NALF1: variants seen among roughly 807,000 people sequenced by gnomAD.
NALF1 encodes the protein family with sequence similarity 155 member A.
Under a neutral mutation model 48.4 loss-of-function variants are expected in NALF1, and 3 were observed. That is an observed-to-expected ratio of 0.06 (90% CI 0.03 to 0.16). The LOEUF is 0.16. Among genes scored for constraint, NALF1 ranks in the 10% least tolerant of loss-of-function variants. The pLI, the probability that NALF1 is intolerant of heterozygous loss-of-function variation, is 1.00. For synonymous variants in NALF1, 262 were observed against 245.7 expected (o/e 1.07, Z -0.62); for missense variants, 526 against 571.5 (o/e 0.92, Z 0.81).
chr13:107,516,244 G>A (rs1415212021), intron 1 of NALF1, among the ~76,000 whole-genome samples: 1 of 152,162 alleles, frequency 6.6e-6, no homozygotes, highest in Middle Eastern at 3.2e-3. Context: ...GTCAGGGTCT[G>A]AGAACGCAGA....
intron 1 of NALF1, among the ~76,000 whole-genome samples, chr13:107,382,846 C>T (rs1442866135): frequency 6.6e-6 from 1 of 152,214 alleles, no homozygotes; most frequent in Non-Finnish European, 1.5e-5. Flanking sequence ...TGATCCATCA[C>T]CTTTTGGCTA....
chr13:107,386,811 C>A (rs1883538646), intron 1 of NALF1, among the ~76,000 whole-genome samples: 1 of 152,040 alleles, frequency 6.6e-6, no homozygotes, highest in African/African-American at 2.4e-5. Context: ...ATGCCGAGAG[C>A]TTAGAGGCCA....
chr13:107,301,767 A>G (rs561897533), intron 1 of NALF1, among the ~76,000 whole-genome samples: 9 of 152,178 alleles, frequency 5.9e-5, no homozygotes, highest in Non-Finnish European at 8.8e-5. Context: ...TTATTCTCAC[A>G]TATTTTGGAA....
At chr13:107,449,234 ACT>A (rs1164427019) in intron 1 of NALF1, among the ~76,000 whole-genome samples, 2 of 151,580 alleles carry the variant, frequency 1.3e-5, no homozygotes, top group East Asian at 1.9e-4. Context: ...ACAGGGTGAG[ACT>A]CTGTCTCAAA....
chr13:107,794,279 A>G (rs1004321307), intron 1 of NALF1, among the ~76,000 whole-genome samples: 1 of 152,078 alleles, frequency 6.6e-6, no homozygotes, highest in Non-Finnish European at 1.5e-5. Context: ...CTCTAACTTG[A>G]CTTTTCCTTT....
At position 107,649,288 on chromosome 13, in the gene NALF1, G is replaced by A. The variant is rs139119342; in HGVS notation, c.915+216394C>T. 2.4e-3 allele frequency among the ~76,000 whole-genome samples: 371 copies of A among 152,274 alleles called. 3 individuals are homozygous for A. Among genetic ancestry groups the A allele is most frequent in the Middle Eastern group, 0.014 (4 of 294 alleles). ...GCAGATATGCAGATTCTCATACACA[G>A]ATTTTTACATCTTGAGTCATACCTC... On this transcript the variant is annotated intron_variant, in intron 1 of 2. Transcript: ENST00000375915.
chr13:107,227,757 G>A (rs1880134958), intron 1 of NALF1, among the ~76,000 whole-genome samples: 1 of 152,186 alleles, frequency 6.6e-6, no homozygotes, highest in Admixed American at 6.5e-5. Context: ...TTTATTATTT[G>A]TGATGTGCTG....
chr13:107,586,393 G>C (rs1878458095), intron 1 of NALF1, among the ~76,000 whole-genome samples: 1 of 152,090 alleles, frequency 6.6e-6, no homozygotes. Flanking sequence ...TGAGTCTACA[G>C]TTTGCATGTG....
chr13:107,573,984 A>C (rs557623191), intron 1 of NALF1, among the ~76,000 whole-genome samples: 8 of 152,176 alleles, frequency 5.3e-5, no homozygotes, highest in Non-Finnish European at 1.2e-4. Flanking sequence ...ACATTCCCCC[A>C]TCGCTCTTTC....
chr13:107,629,047 G>A (rs367695782), intron 1 of NALF1, among the ~76,000 whole-genome samples: 5 of 152,012 alleles, frequency 3.3e-5, no homozygotes, highest in South Asian at 2.1e-4. Context: ...TCTTATCCAC[G>A]TCTTGTACTC....
At chr13:107,614,496 A>T (rs1452266686) in intron 1 of NALF1, among the ~76,000 whole-genome samples, 1 of 152,232 alleles carries the variant, frequency 6.6e-6, no homozygotes, top group Non-Finnish European at 1.5e-5. Context: ...TAAAATGAGA[A>T]TAATAATGGA....
intron 1 of NALF1, among the ~76,000 whole-genome samples, chr13:107,766,304 TAGC>T (rs1289158301): frequency 6.6e-6 from 1 of 152,180 alleles, no homozygotes; most frequent in Non-Finnish European, 1.5e-5. Context: ...AACAGGGACT[TAGC>T]AGCTGCGTGA....
At chr13:107,441,228 T>C (rs966202725) in intron 1 of NALF1, among the ~76,000 whole-genome samples, 3 of 152,222 alleles carry the variant, frequency 2.0e-5, no homozygotes, top group African/African-American at 4.8e-5. Flanking sequence ...TATATTTCAC[T>C]GTTGGTCCAA....
At chr13:107,299,462 TAATAATAATA>T (rs751228999) in intron 1 of NALF1, among the ~76,000 whole-genome samples, 5,625 of 57,576 alleles carry the variant, frequency 0.098, 131 homozygotes, top group Middle Eastern at 0.17. Flanking sequence ...ATAATAATAA[TAATAATAATA>T]AATAAATAAA....
At chr13:107,824,730 C>A (rs74112654) in intron 1 of NALF1, among the ~76,000 whole-genome samples, 36 of 152,322 alleles carry the variant, frequency 2.4e-4, no homozygotes, top group African/African-American at 8.4e-4. Flanking sequence ...GGTAAAGAAG[C>A]CAGAACTGCA....
chr13:107,726,159 A>T lies in NALF1; in HGVS notation c.915+139523T>A, dbSNP rs185310119. Among the ~76,000 whole-genome samples, 29 of 152,242 alleles carry T rather than the reference A, an allele frequency of 1.9e-4. No homozygotes were observed. In the South Asian group the frequency reaches 3.5e-3, roughly 18 times the overall value. ...TTAATACAAAGACACAAAAATTGAC[A>T]ATTTTCATTTCATTCTATTAGTTTT... is the stretch of plus-strand genomic sequence containing the variant. On this transcript the variant is annotated intron_variant, in intron 1 of 2. Coordinates refer to ENST00000375915, the MANE Select transcript of NALF1 (RefSeq NM_001080396.3).
At chr13:107,235,554 TA>T (rs1880324260) in intron 1 of NALF1, among the ~76,000 whole-genome samples, 1 of 152,222 alleles carries the variant, frequency 6.6e-6, no homozygotes, top group African/African-American at 2.4e-5. Flanking sequence ...CTCATAATAC[TA>T]AAAACAAAGT....
At chr13:107,236,739 T>C (rs1880357801) in intron 1 of NALF1, among the ~76,000 whole-genome samples, 1 of 149,062 alleles carries the variant, frequency 6.7e-6, no homozygotes, top group Admixed American at 6.7e-5. Context: ...CTATCTATCA[T>C]CTACAGTCAT....
chr13:107,537,994 G>C (rs1246940657), intron 1 of NALF1, among the ~76,000 whole-genome samples: 1 of 152,052 alleles, frequency 6.6e-6, no homozygotes, highest in Non-Finnish European at 1.5e-5. Context: ...TCCAGCCTGG[G>C]CAGTAAAGTG....
Sources: gnomAD v4.1 joint callset for allele counts (sites outside exome capture counted in the v4.1 genomes callset) on GRCh38, gnomAD v4.1.1 for gene constraint, MANE v1.5 for transcripts, NCBI Gene and HGNC (gene_info 2026-07-23, HGNC 2026-07-21) for gene names.